CDCA2: variants seen among roughly 807,000 people sequenced by gnomAD.
CDCA2 encodes cell division cycle associated 2, also known as cell division cycle-associated protein 2.
CDCA2 carries 44 observed loss-of-function variants against 67.0 expected under a neutral mutation model. The observed-to-expected ratio is 0.66, with a 90% CI of 0.52 to 0.84. The LOEUF (loss-of-function observed/expected upper bound fraction) is 0.84. CDCA2 is among the 40% of genes least tolerant of loss of function. CDCA2 has a pLI of 0.00. For synonymous variants in CDCA2, 447 were observed against 418.7 expected, an observed-to-expected ratio of 1.07 and a Z score of -0.82; for missense variants, 1,253 against 1,203.2, an observed-to-expected ratio of 1.04 and a Z score of -0.61.
chr8:25,474,287 A>G (rs1335289785), intron 7 of CDCA2, among the ~76,000 whole-genome samples: 1 of 152,222 alleles, frequency 6.6e-6, no homozygotes, highest in African/African-American at 2.4e-5. Context: ...TAACCTTGTA[A>G]AATGACAAGG....
chr8:25,504,884 A>G (rs1804617415), intron 14 of CDCA2, among the ~76,000 whole-genome samples: 1 of 152,236 alleles, frequency 6.6e-6, no homozygotes, highest in Admixed American at 6.5e-5. Context: ...CTAAAACTTC[A>G]GTCTCCTTGA....
At chr8:25,489,074 T>G (rs917103028) in intron 13 of CDCA2, among the ~76,000 whole-genome samples, 2 of 152,152 alleles carry the variant, frequency 1.3e-5, no homozygotes, top group Admixed American at 1.3e-4. Flanking sequence ...TGAATCAAAT[T>G]TTTCCCTAAA....
intron 4 of CDCA2, among the ~76,000 whole-genome samples, chr8:25,464,793 T>A (rs188530564): frequency 6.6e-6 from 1 of 152,336 alleles, no homozygotes; most frequent in African/African-American, 2.4e-5. Flanking sequence ...CATAAGCCTT[T>A]TTTGAATATT....
intron 7 of CDCA2, among the ~76,000 whole-genome samples, chr8:25,476,519 G>GA (rs1219559985): frequency 6.6e-6 from 1 of 151,822 alleles, no homozygotes; most frequent in African/African-American, 2.4e-5. Context: ...CTTTCAAAAG[G>GA]GTCTCAATGT....
chr8:25,483,525 AT>A, intron 9 of CDCA2, 39 bp downstream of exon 9: 1 of 1,429,080 alleles, frequency 7.0e-7, no homozygotes, highest in African/African-American at 1.4e-5. Context: ...TGAGGATATC[AT>A]TTTCATGTTA....
chr8:25,469,955 T>G lies in CDCA2; in HGVS notation c.795T>G (p.Leu265=). 2 of 1,611,126 alleles carry G rather than the reference T, an allele frequency of 1.2e-6. No homozygotes were observed. Among genetic ancestry groups the G allele is most frequent in the Non-Finnish European group, 1.7e-6 (2 of 1,178,002 alleles). Residue 265 remains leucine (L), a synonymous_variant, in exon 7 of 15, where the codon CTT becomes CTG. Transcript: ENST00000330560. ...SGFLVEESLP[L]SELTETSNAL... ...TTTTAGTTGAAGAGTCTCTTCCCCTTTCAGAGCTCACAGAGACTTCAAATG... is the reference window on the plus strand; with the variant it reads ...TTTTAGTTGAAGAGTCTCTTCCCCTGTCAGAGCTCACAGAGACTTCAAATG...
chr8:25,475,128 ACT>A (rs1320533935), intron 7 of CDCA2, among the ~76,000 whole-genome samples: 1 of 151,970 alleles, frequency 6.6e-6, no homozygotes, highest in African/African-American at 2.4e-5. Context: ...CAAAATCCAA[ACT>A]CTGAAAATTT....
intron 7 of CDCA2, among the ~76,000 whole-genome samples, chr8:25,476,146 T>C (rs1803338715): frequency 6.6e-6 from 1 of 152,216 alleles, no homozygotes; most frequent in African/African-American, 2.4e-5. Context: ...TCTGGGATAT[T>C]CAGAATGTTA....
intron 8 of CDCA2, among the ~76,000 whole-genome samples, chr8:25,482,450 A>G (rs1419602333): frequency 6.6e-6 from 1 of 152,224 alleles, no homozygotes; most frequent in Non-Finnish European, 1.5e-5. Flanking sequence ...TTCTGCATCC[A>G]TGGATTGAAC....
rs1055681326 is a variant in CDCA2 at position 25,507,607 on chromosome 8, T to G, written c.2941T>G (p.Ser981Ala). The G allele has an allele frequency of 6.2e-7, 1 of 1,614,196 alleles. No homozygotes were observed. The highest frequency in any genetic ancestry group is 1.3e-5 in the African/African-American group (1 of 75,044). The change falls in exon 15 of 15, where the codon TCT becomes GCT. Residue 981 changes from serine (S) to alanine (A), a missense_variant. By Grantham distance (99) the Ser-to-Ala change is moderately conservative (BLOSUM62 1). Coordinates refer to ENST00000330560, the MANE Select transcript of CDCA2 (RefSeq NM_152562.4). ...PGKRRKSFCI[S>A]TLANTKATSQ... ...TAAGAGGAGGAAGAGCTTTTGTATA[T>G]CTACACTTGCAAATACTAAAGCCAC...
At chr8:25,494,254 G>C (rs11985695) in intron 13 of CDCA2, among the ~76,000 whole-genome samples, 57,950 of 151,722 alleles carry the variant, frequency 0.38, 11,473 homozygotes, top group African/African-American at 0.49. Flanking sequence ...GAGGCCAGTA[G>C]TGCGAGACCA....
intron 12 of CDCA2, 121 bp downstream of exon 12, chr8:25,487,455 A>G: frequency 1.4e-6 from 1 of 697,326 alleles, no homozygotes; most frequent in Non-Finnish European, 2.4e-6. Context: ...AAGAATTAAT[A>G]CTTTGGCCAG....
rs1393846246 is a variant in CDCA2, at chr8:25,483,947, A to G, written c.1121-19A>G. ...ATAGCTTAATTTTTAAGTTACTCTC[A>G]TTTATTGTCTAATTATAGAAGATGA... On this transcript the variant is annotated intron_variant, in intron 9 of 14. Coordinates refer to ENST00000330560, the MANE Select transcript of CDCA2 (RefSeq NM_152562.4). 4 of 1,599,976 alleles carry G rather than the reference A, an allele frequency of 2.5e-6. No homozygotes were observed. In the South Asian group the frequency reaches 4.4e-5, roughly 18 times the overall value.
At chr8:25,477,326 T>A (rs994870496) in intron 7 of CDCA2, among the ~76,000 whole-genome samples, 1 of 152,202 alleles carries the variant, frequency 6.6e-6, no homozygotes, top group African/African-American at 2.4e-5. Context: ...CTTTGTGTAT[T>A]TTCTTTGCTC....
intron 13 of CDCA2, among the ~76,000 whole-genome samples, chr8:25,489,434 A>G (rs1237096511): frequency 6.6e-6 from 1 of 151,792 alleles, no homozygotes; most frequent in African/African-American, 2.4e-5. Context: ...ACTGTTTCCA[A>G]CTCTTGTCAG....
At chr8:25,466,512 A>AT (rs1300366451) in intron 5 of CDCA2, among the ~76,000 whole-genome samples, 187 bp downstream of exon 5, 1 of 152,182 alleles carries the variant, frequency 6.6e-6, no homozygotes, top group Non-Finnish European at 1.5e-5. Flanking sequence ...TAGAAAAAAA[A>AT]ACCTGTTATC....
intron 13 of CDCA2, among the ~76,000 whole-genome samples, chr8:25,496,064 G>T (rs562645900): frequency 5.3e-5 from 8 of 152,212 alleles, no homozygotes; most frequent in Non-Finnish European, 7.4e-5. Flanking sequence ...AGGGTCCCTT[G>T]GTGAAATGGC....
chr8:25,466,194 G>A lies in CDCA2; in HGVS notation c.407G>A (p.Arg136Gln), dbSNP rs763098763. The change falls in exon 5 of 15, where the codon CGA (arginine) becomes CAA (glutamine). Residue 136 changes from arginine (R) to glutamine (Q), a missense_variant. Physicochemically the swap from Arg to Gln is conservative, Grantham distance 43 (BLOSUM62 1). Transcript: ENST00000330560. ...SPSQGSPALY[R>Q]NVNTLRERIS... Reference sequence around the variant, plus strand: ...TCACAGGGCAGCCCTGCACTGTATCGAAATGTTAACACTTTAAGAGAACGA... The same window carrying A: ...TCACAGGGCAGCCCTGCACTGTATCAAAATGTTAACACTTTAAGAGAACGA... 30 of 1,609,898 alleles carry A rather than the reference G, an allele frequency of 1.9e-5. No individual in the cohort carries two copies. Among genetic ancestry groups the A allele is most frequent in the Admixed American group, 5.1e-5 (3 of 58,544 alleles).
intron 13 of CDCA2, among the ~76,000 whole-genome samples, chr8:25,499,168 A>C (rs1213503456): frequency 6.6e-6 from 1 of 152,048 alleles, no homozygotes; most frequent in African/African-American, 2.4e-5. Flanking sequence ...CCTTTATCAG[A>C]GAGAGGGAGC....
Sources: allele counts gnomAD v4.1 joint callset (sites outside exome capture counted in the v4.1 genomes callset), GRCh38; gene constraint gnomAD v4.1.1; transcripts MANE v1.5; gene names NCBI Gene and HGNC (gene_info 2026-07-23, HGNC 2026-07-21).